The following CC2D2A variants were observed in gnomAD, a reference collection of about 807,000 sequenced individuals.
CC2D2A encodes coiled-coil and C2 domain-containing protein 2A.
In CC2D2A, 155 loss-of-function variants were observed where a neutral mutation model predicts 212.9. That is an observed-to-expected ratio of 0.73 (90% CI 0.64 to 0.83). CC2D2A has a LOEUF of 0.83. CC2D2A is among the 40% of genes least tolerant of loss of function. CC2D2A has a pLI of 0.00. For synonymous variants in CC2D2A, 667 were observed against 686.5 expected, an observed-to-expected ratio of 0.97 and a Z score of 0.44; for missense variants, 1,856 against 1,956.2, an observed-to-expected ratio of 0.95 and a Z score of 0.97.
rs779950367 is a variant in CC2D2A at position 15,601,268 on chromosome 4, C to T, written c.4706C>T (p.Ser1569Phe). Residue 1569 changes from serine to phenylalanine, a missense_variant, in exon 37 of 37, where the codon TCT becomes TTT. Physicochemically the swap from Ser to Phe is radical, Grantham distance 155. Around this residue, in one of 5 missense-constraint regions of CC2D2A, gnomAD observed 285 missense variants for 278.4 expected, o/e 1.02. Transcript: ENST00000424120. Reference sequence around the variant, plus strand: ...GGATTTCCTCTTCACATGCCTTATTCTGAAGTGAAGCCTTTAATTGACGCT... The same window carrying T: ...GGATTTCCTCTTCACATGCCTTATTTTGAAGTGAAGCCTTTAATTGACGCT... ...FSGFPLHMPY[S>F]EVKPLIDAVY... 6.2e-7 allele frequency: 1 copy of T among 1,612,976 alleles called. No individual in the cohort carries two copies. The highest frequency in any genetic ancestry group is 1.1e-5 in the South Asian group (1 of 90,996).
intron 29 of CC2D2A, among the ~76,000 whole-genome samples, chr4:15,577,645 G>C (rs1304476599): frequency 6.6e-6 from 1 of 151,896 alleles, no homozygotes; most frequent in East Asian, 1.9e-4. Context: ...CCTCAAGAAG[G>C]ACTGCTTATA....
At chr4:15,564,538 T>C (rs1719792860) in intron 24 of CC2D2A, among the ~76,000 whole-genome samples, 1 of 152,128 alleles carries the variant, frequency 6.6e-6, no homozygotes. Flanking sequence ...GTAAAGAGAG[T>C]ATAAGTGGCT....
chr4:15,548,263 G>A (rs1718813461), intron 17 of CC2D2A, among the ~76,000 whole-genome samples: 1 of 151,840 alleles, frequency 6.6e-6, no homozygotes, highest in South Asian at 2.1e-4. Context: ...TACAGACTTG[G>A]CACCAAGAGC....
chr4:15,595,639 G>C (rs779075753), intron 33 of CC2D2A, among the ~76,000 whole-genome samples: 3 of 152,166 alleles, frequency 2.0e-5, no homozygotes, highest in Non-Finnish European at 4.4e-5. Context: ...AAGTGGTCTG[G>C]TTCCAGAACC....
At chr4:15,480,941 C>A in intron 4 of CC2D2A, 114 bp downstream of exon 4, 1 of 1,288,616 alleles carries the variant, frequency 7.8e-7, no homozygotes, top group Non-Finnish European at 1.1e-6. Context: ...GCCACTGCTG[C>A]TCCACCCACT....
chr4:15,575,939 G>C (rs62290565), intron 29 of CC2D2A, among the ~76,000 whole-genome samples: 83,696 of 152,038 alleles, frequency 0.55, 23,331 homozygotes, highest in Admixed American at 0.66. Context: ...CTGGCAGAAA[G>C]GATGAAAGCC....
chr4:15,567,751 C>A lies in CC2D2A; in HGVS notation c.3363C>A (p.Asn1121Lys), dbSNP rs1260226165. 2.5e-6 allele frequency: 4 copies of A among 1,600,860 alleles called. No homozygotes were observed. In the Admixed American group the frequency reaches 5.4e-5, roughly 21 times the overall value. Residue 1121 changes from asparagine to lysine, a missense_variant, in exon 26 of 37, where the codon AAC becomes AAA. By Grantham distance (94) the Asn-to-Lys change is moderately conservative. Coordinates refer to ENST00000424120, the MANE Select transcript of CC2D2A (RefSeq NM_001378615.1). ...VCHTTTAEGP[N>K]PSWNEELELP... Reference sequence around the variant, plus strand: ...ATACGACTACGGCTGAAGGACCAAACCCTAGCTGGAATGAAGAACTAGAAC... The same window carrying A: ...ATACGACTACGGCTGAAGGACCAAAACCTAGCTGGAATGAAGAACTAGAAC...
intron 35 of CC2D2A, among the ~76,000 whole-genome samples, chr4:15,598,609 C>T (rs1311487773): frequency 1.3e-5 from 2 of 152,194 alleles, no homozygotes; most frequent in Non-Finnish European, 2.9e-5. Context: ...TTAAACTTCA[C>T]ACCCTATGAA....
At chr4:15,500,387 G>A (rs922363799) in intron 4 of CC2D2A, among the ~76,000 whole-genome samples, 1 of 151,988 alleles carries the variant, frequency 6.6e-6, no homozygotes, top group Admixed American at 6.6e-5. Context: ...ATATGCCACA[G>A]GAACATAATC....
intron 28 of CC2D2A, among the ~76,000 whole-genome samples, chr4:15,572,146 G>A (rs1280599281): frequency 1.3e-5 from 2 of 152,072 alleles, no homozygotes; most frequent in Non-Finnish European, 2.9e-5. Flanking sequence ...TATTTATTAG[G>A]TGCATATTAT....
At chr4:15,535,481 C>A (rs754797220) in intron 14 of CC2D2A, among the ~76,000 whole-genome samples, 7 of 151,872 alleles carry the variant, frequency 4.6e-5, no homozygotes, top group Non-Finnish European at 8.8e-5. Flanking sequence ...CCTTTTTTCA[C>A]ATTCTTGATT....
chr4:15,485,415 T>C (rs2108980093), intron 4 of CC2D2A, among the ~76,000 whole-genome samples: 1 of 152,374 alleles, frequency 6.6e-6, no homozygotes, highest in Non-Finnish European at 1.5e-5. Context: ...ATCTTAGCTG[T>C]TGTGAATAGT....
At chr4:15,576,388 GTC>G in intron 29 of CC2D2A, 2 of 984,664 alleles carry the variant, frequency 2.0e-6, no homozygotes, top group Non-Finnish European at 2.4e-6. Flanking sequence ...GCAGATTAGA[GTC>G]TCTCCTCTAC....
In CC2D2A at chr4:15,540,960, T is replaced by C. The variant is rs1169590623; in HGVS notation, c.2127T>C (p.Phe709=). ...RPLGADFRVH[F]GQIFNLQIVN... ...TAGGAGCAGACTTCCGAGTTCACTT[T>C]GGGCAGATTTTCAATTTGCAAATAG... The change falls in exon 17 of 37, where the codon TTT becomes TTC. Residue 709 remains phenylalanine, a synonymous_variant. Transcript: ENST00000424120. 1 of 1,554,742 alleles carries C rather than the reference T, an allele frequency of 6.4e-7. No homozygotes were observed. The highest frequency in any genetic ancestry group is 2.4e-5 in the East Asian group (1 of 41,264).
chr4:15,582,390 A>C (rs1293653925), intron 30 of CC2D2A, among the ~76,000 whole-genome samples: 1 of 152,136 alleles, frequency 6.6e-6, no homozygotes, highest in Non-Finnish European at 1.5e-5. Context: ...ATAAAGACTT[A>C]AAAATGCAAA....
intron 21 of CC2D2A, among the ~76,000 whole-genome samples, chr4:15,558,165 C>T (rs774340617): frequency 1.6e-4 from 24 of 151,690 alleles, no homozygotes; most frequent in Non-Finnish European, 3.2e-4. Flanking sequence ...TTTTCTTTTT[C>T]CCTGCTTTTC....
chr4:15,549,455 A>C (rs1160155255), intron 17 of CC2D2A, among the ~76,000 whole-genome samples: 1 of 152,092 alleles, frequency 6.6e-6, no homozygotes, highest in Non-Finnish European at 1.5e-5. Flanking sequence ...CATCTTGCAA[A>C]GGTGAGTGAT....
intron 31 of CC2D2A, among the ~76,000 whole-genome samples, chr4:15,586,864 C>T (rs1444388441): frequency 6.6e-6 from 1 of 152,166 alleles, no homozygotes; most frequent in Non-Finnish European, 1.5e-5. Context: ...TATACAACTT[C>T]CTTTGAAGTA....
Position 15,570,404 on chromosome 4 carries a change from C to A in CC2D2A, c.3502C>A (p.Arg1168Ser), listed in dbSNP as rs746694614. The A allele has an allele frequency of 6.3e-7, 1 of 1,593,158 alleles. No individual in the cohort carries two copies. The highest frequency in any genetic ancestry group is 8.6e-7 in the Non-Finnish European group (1 of 1,165,488). The change falls in exon 28 of 37, where the codon CGT becomes AGT. Residue 1168 changes from arginine to serine, a missense_variant. Around this residue, in one of 5 missense-constraint regions of CC2D2A, gnomAD observed 1,512 missense variants for 1,579.3 expected, o/e 0.96. Transcript: ENST00000424120. ...CTTCCCACCCTTCCTTTAGGATGAC[C>A]GTGAAAGAGGAAGTGGAATCCATAC... The part of the protein sequence containing the change: ...EVLHDVLEDD[R>S]ERGSGIHTRI...
Sources: allele counts gnomAD v4.1 joint callset (sites outside exome capture counted in the v4.1 genomes callset), GRCh38; gene constraint gnomAD v4.1.1; regional missense constraint gnomAD v4.1.1; transcripts MANE v1.5; gene names NCBI Gene and HGNC (gene_info 2026-07-23, HGNC 2026-07-21).